Variants in TCERG1L observed in about 807,000 individuals in gnomAD.
TCERG1L encodes the protein transcription elongation regulator 1-like protein.
Under a neutral mutation model 56.3 loss-of-function variants are expected in TCERG1L, and 37 were observed. The ratio of observed to expected loss-of-function variants is 0.66; its 90% confidence interval spans 0.51 to 0.87. TCERG1L has a LOEUF of 0.87. Ranked by LOEUF, TCERG1L falls within the 40% of genes least tolerant of loss-of-function variation. TCERG1L has a pLI of 0.00. For missense variants in TCERG1L, 799 were observed against 774.2 expected, an observed-to-expected ratio of 1.03 and a Z score of -0.38; for synonymous variants, 324 against 326.3, an observed-to-expected ratio of 0.99 and a Z score of 0.08.
At chr10:131,194,596 G>A (rs1267862317) in intron 4 of TCERG1L, among the ~76,000 whole-genome samples, 3 of 152,062 alleles carry the variant, frequency 2.0e-5, no homozygotes, top group Non-Finnish European at 2.9e-5. Flanking sequence ...CTGTTATATT[G>A]AGAAATTTCC....
intron 6 of TCERG1L, among the ~76,000 whole-genome samples, chr10:131,151,324 A>G (rs1043503378): frequency 6.6e-6 from 1 of 152,168 alleles, no homozygotes; most frequent in Admixed American, 6.5e-5. Flanking sequence ...CAAGACACAA[A>G]TGGGCGTACA....
At chr10:131,144,258 T>C (rs975892521) in intron 7 of TCERG1L, among the ~76,000 whole-genome samples, 10 of 152,230 alleles carry the variant, frequency 6.6e-5, no homozygotes, top group Admixed American at 4.6e-4. Context: ...CAATGACTAA[T>C]AGTCAAACAA....
At position 131,311,281 on chromosome 10, in the gene TCERG1L, G is replaced by A. The variant is rs1344616687; in HGVS notation, c.342+13C>T. On this transcript the variant is annotated intron_variant, in intron 1 of 11. Coordinates refer to ENST00000368642, the MANE Select transcript of TCERG1L (RefSeq NM_174937.4). The surrounding 1 kb of genome is among the most constrained non-coding windows in gnomAD (Gnocchi z 4.0). The stretch of plus-strand genomic sequence containing the variant: ...ACGGCGACCCGGGCCGAGGCGGGAC[G>A]GGGACACGTTACCTGCCCGTGGAGC... The A allele has an allele frequency of 6.6e-6, 8 of 1,203,802 alleles. No homozygotes were observed. The highest frequency in any genetic ancestry group is 8.2e-6 in the Non-Finnish European group (8 of 969,996). 74.6% of individuals were successfully genotyped at this position (1,203,802 alleles called of 1,614,324 possible).
At chr10:131,158,782 C>G (rs1289662353) in intron 6 of TCERG1L, among the ~76,000 whole-genome samples, 1 of 152,210 alleles carries the variant, frequency 6.6e-6, no homozygotes, top group African/African-American at 2.4e-5. Context: ...CCAAGCGGAC[C>G]ATCGCAGAGA....
chr10:131,136,658 G>C (rs894168897), intron 7 of TCERG1L, among the ~76,000 whole-genome samples: 25 of 152,014 alleles, frequency 1.6e-4, no homozygotes, highest in African/African-American at 5.8e-4. Context: ...ACCACACCAG[G>C]CTAATTTTTG....
chr10:131,306,767 T>TA (rs1589779487), intron 3 of TCERG1L, among the ~76,000 whole-genome samples: 1 of 152,098 alleles, frequency 6.6e-6, no homozygotes, highest in Non-Finnish European at 1.5e-5. Context: ...TGCCACACAA[T>TA]AGTAAGTAAA....
intron 3 of TCERG1L, among the ~76,000 whole-genome samples, chr10:131,263,648 G>A (rs1044765808): frequency 1.3e-5 from 2 of 152,184 alleles, no homozygotes; most frequent in South Asian, 2.1e-4. Flanking sequence ...AGATAACGAC[G>A]ACATAAACAA....
intron 3 of TCERG1L, among the ~76,000 whole-genome samples, chr10:131,303,708 T>C (rs1226596786): frequency 6.6e-6 from 1 of 152,102 alleles, no homozygotes; most frequent in Non-Finnish European, 1.5e-5. Context: ...TCTTTCTATG[T>C]TGTCTTCTAT....
chr10:131,095,266 C>A, intron 11 of TCERG1L: 1 of 155,404 alleles, frequency 6.4e-6, no homozygotes, highest in Non-Finnish European at 1.4e-5. Context: ...CCCCACCGGG[C>A]GGCCAACCCC....
intron 9 of TCERG1L, among the ~76,000 whole-genome samples, chr10:131,115,414 A>C (rs1411171175): frequency 6.6e-6 from 1 of 152,272 alleles, no homozygotes; most frequent in African/African-American, 2.4e-5. Context: ...TCTTGTTTTC[A>C]AACAAAATTT....
intron 4 of TCERG1L, among the ~76,000 whole-genome samples, chr10:131,189,917 T>C (rs1383350756): frequency 1.3e-5 from 2 of 151,762 alleles, no homozygotes; most frequent in Non-Finnish European, 1.5e-5. Context: ...AGAAAAGGAA[T>C]AACAAAGATC....
chr10:131,158,738 C>A (rs1252591809), intron 6 of TCERG1L, among the ~76,000 whole-genome samples: 2 of 152,232 alleles, frequency 1.3e-5, no homozygotes, highest in Non-Finnish European at 2.9e-5. Context: ...GACCACCACC[C>A]CTGCCTGGCT....
chr10:131,168,033 A>G (rs1846050225), intron 4 of TCERG1L, among the ~76,000 whole-genome samples: 1 of 152,202 alleles, frequency 6.6e-6, no homozygotes, highest in Non-Finnish European at 1.5e-5. Context: ...CTTGGGAAGC[A>G]GAGATTTGTT....
chr10:131,150,340 T>C (rs959491738), intron 6 of TCERG1L, among the ~76,000 whole-genome samples: 19 of 152,264 alleles, frequency 1.2e-4, no homozygotes, highest in African/African-American at 4.6e-4. Flanking sequence ...AGATGCTCAC[T>C]GAGGCATCTC....
chr10:131,185,902 T>C (rs1425951082), intron 4 of TCERG1L, among the ~76,000 whole-genome samples: 1 of 152,210 alleles, frequency 6.6e-6, no homozygotes, highest in Non-Finnish European at 1.5e-5. Flanking sequence ...TCAATACTTT[T>C]AAACAAATGT....
chr10:131,236,459 C>T (rs1449576755), intron 4 of TCERG1L, among the ~76,000 whole-genome samples: 1 of 152,220 alleles, frequency 6.6e-6, no homozygotes, highest in Non-Finnish European at 1.5e-5. Context: ...GATGTGGCCA[C>T]ATCAGCATCC....
rs1417459198 is a variant in TCERG1L, at chr10:131,103,574, T to G, written c.1485+691A>C. Among the ~76,000 whole-genome samples, 1 of 152,160 alleles carries G rather than the reference T, an allele frequency of 6.6e-6. No individual in the cohort carries two copies. Among genetic ancestry groups the G allele is most frequent in the South Asian group, 2.1e-4 (1 of 4,822 alleles). ...GGCGTGGTGGCTGGAGCCTGTAGTCTCAGCTGCTCAGGAGGCTGAGGTGGG... is the reference window on the plus strand; with the variant it reads ...GGCGTGGTGGCTGGAGCCTGTAGTCGCAGCTGCTCAGGAGGCTGAGGTGGG... On this transcript the variant is annotated intron_variant, in intron 10 of 11. Coordinates refer to ENST00000368642, the MANE Select transcript of TCERG1L (RefSeq NM_174937.4). This position sits in a 1 kb window ranked among gnomAD's most constrained non-coding sequence, Gnocchi z 4.3.
Position 131,146,675 on chromosome 10 carries a change from A to AAACTCAT in TCERG1L, c.1035-22_1035-16dup. 4.4e-6 allele frequency: 7 copies of AAACTCAT among 1,603,610 alleles called. No homozygotes were observed. Among genetic ancestry groups the AAACTCAT allele is most frequent in the Non-Finnish European group, 6.0e-6 (7 of 1,173,850 alleles). On this transcript the variant is annotated splice_polypyrimidine_tract_variant and intron_variant, in intron 6 of 11. Coordinates refer to ENST00000368642, the MANE Select transcript of TCERG1L (RefSeq NM_174937.4). ...AGACCACACACCTGTTTGAGTGGAA[A>AAACTCAT]AACTCATCTCAGTCGCTCTCGGAGA...
At chr10:131,255,062 G>A (rs542142380) in intron 4 of TCERG1L, among the ~76,000 whole-genome samples, 3 of 152,316 alleles carry the variant, frequency 2.0e-5, no homozygotes, top group Non-Finnish European at 4.4e-5. Context: ...AGAGAGATCT[G>A]TGCAGAGATG....
Sources: gnomAD v4.1 joint callset for allele counts (sites outside exome capture counted in the v4.1 genomes callset) on GRCh38, gnomAD v4.1.1 for gene constraint, Gnocchi (gnomAD v3.1) non-coding constraint, MANE v1.5 for transcripts, NCBI Gene and HGNC (gene_info 2026-07-23, HGNC 2026-07-21) for gene names.